Variants in CCDC60 observed in about 807,000 individuals in gnomAD.
The protein encoded by CCDC60 is coiled-coil domain-containing protein 60.
A neutral mutation model predicts 63.5 loss-of-function variants in CCDC60; 54 were observed. That is an observed-to-expected ratio of 0.85 (90% confidence interval 0.68 to 1.07). CCDC60 has a LOEUF of 1.07. Ranked by LOEUF, CCDC60 falls within the 50% of genes least tolerant of loss-of-function variation. The probability of loss-of-function intolerance (pLI) is 0.00; values close to 1 mark genes in which losing one functional copy is unlikely to be tolerated. For missense variants in CCDC60, 651 were observed against 684.3 expected, an observed-to-expected ratio of 0.95 and a Z score of 0.54; for synonymous variants, 206 against 238.8, an observed-to-expected ratio of 0.86 and a Z score of 1.27.
At chr12:119,368,913 C>A (rs1041211125) in intron 1 of CCDC60, among the ~76,000 whole-genome samples, 70 of 152,258 alleles carry the variant, frequency 4.6e-4, no homozygotes, top group African/African-American at 1.5e-3. Context: ...TTTCGTAGTT[C>A]TTTTTCCCCT....
chr12:119,524,716 CTTTTCTTTTT>C (rs1461203538), intron 11 of CCDC60, among the ~76,000 whole-genome samples: 4 of 90,594 alleles, frequency 4.4e-5, no homozygotes, highest in African/African-American at 2.1e-4. Flanking sequence ...CTTTTCTTTT[CTTTTCTTTTT>C]TTTTTTTTTT....
chr12:119,457,751 G>T (rs187889933), intron 2 of CCDC60, among the ~76,000 whole-genome samples: 14 of 152,244 alleles, frequency 9.2e-5, no homozygotes, highest in Admixed American at 7.9e-4. Context: ...CCTTTTGTCT[G>T]AAAGGCAGTT....
At chr12:119,516,529 A>AGGTGAC in intron 7 of CCDC60, 94 bp from the exon 8 acceptor site, 1 of 764,776 alleles carries the variant, frequency 1.3e-6, no homozygotes, top group Non-Finnish European at 2.2e-6. Context: ...TCAGGAGCAG[A>AGGTGAC]GGTGACCCCA....
At chr12:119,412,695 G>A (rs1449428927) in intron 1 of CCDC60, among the ~76,000 whole-genome samples, 3 of 151,932 alleles carry the variant, frequency 2.0e-5, no homozygotes, top group Non-Finnish European at 4.4e-5. Flanking sequence ...AGAAAATAGA[G>A]ATAATCATGC....
chr12:119,433,415 T>C, intron 2 of CCDC60: 1 of 702,046 alleles, frequency 1.4e-6, no homozygotes, highest in South Asian at 1.5e-5. Context: ...CAAAGGAGAA[T>C]GGGGAAAAGG....
chr12:119,495,747 T>C (rs1288040740), intron 5 of CCDC60, among the ~76,000 whole-genome samples: 1 of 152,156 alleles, frequency 6.6e-6, no homozygotes, highest in Non-Finnish European at 1.5e-5. Context: ...TTCCAGGCAC[T>C]AGTGGGAATA....
At chr12:119,346,584 G>A (rs1235171558) in intron 1 of CCDC60, among the ~76,000 whole-genome samples, 1 of 152,146 alleles carries the variant, frequency 6.6e-6, no homozygotes, top group Non-Finnish European at 1.5e-5. Context: ...TGGAAGAAAG[G>A]GGAAAGTGCC....
chr12:119,515,133 C>G (rs1406467060), intron 7 of CCDC60, among the ~76,000 whole-genome samples: 1 of 152,136 alleles, frequency 6.6e-6, no homozygotes. Context: ...TGATGCATTT[C>G]TCAAGATGGG....
rs538650804 is a variant in CCDC60 at position 119,504,958 on chromosome 12, C to G, written c.649-111C>G. ...GAAGGAATTCACAGTCAGACCCAGG[C>G]TTTGCTTTTGTCTGCTGTCCCTCCC... On this transcript the variant is annotated intron_variant, in intron 6 of 13. Transcript: ENST00000327554. The G allele has an allele frequency of 4.2e-6, 3 of 719,532 alleles. No homozygotes were observed. In the East Asian group the frequency reaches 8.1e-5, roughly 19 times the overall value. The allele number at this position is 719,532 out of a possible 1,614,324, so 44.6% of individuals were successfully genotyped here.
intron 1 of CCDC60, among the ~76,000 whole-genome samples, chr12:119,361,122 C>T (rs1244189444): frequency 7.3e-6 from 1 of 137,258 alleles, no homozygotes; most frequent in Non-Finnish European, 1.5e-5. Flanking sequence ...AGAGGGAGAC[C>T]GTGGAAAGAG....
At chr12:119,392,460 A>T (rs936860552) in intron 1 of CCDC60, among the ~76,000 whole-genome samples, 1 of 152,112 alleles carries the variant, frequency 6.6e-6, no homozygotes. Flanking sequence ...TGGTTTTCTC[A>T]TCTGTAAAAT....
intron 1 of CCDC60, among the ~76,000 whole-genome samples, chr12:119,358,558 C>A (rs950244261): frequency 2.6e-5 from 4 of 152,142 alleles, no homozygotes; most frequent in Admixed American, 6.5e-5. Flanking sequence ...CTAAGACAAC[C>A]AGAACCCAAA....
intron 5 of CCDC60, among the ~76,000 whole-genome samples, chr12:119,495,187 G>A (rs369549542): frequency 6.6e-6 from 1 of 152,126 alleles, no homozygotes; most frequent in Admixed American, 6.5e-5. Context: ...TCGAACCCAG[G>A]TAACCTTGCT....
At chr12:119,478,043 A>G (rs548109078) in intron 3 of CCDC60, among the ~76,000 whole-genome samples, 1 of 152,126 alleles carries the variant, frequency 6.6e-6, no homozygotes, top group South Asian at 2.1e-4. Flanking sequence ...GCCAGGTGCA[A>G]TGTCTCACGC....
chr12:119,487,866 C>G (rs560785), intron 4 of CCDC60, among the ~76,000 whole-genome samples: 80,262 of 151,896 alleles, frequency 0.53, 22,153 homozygotes, highest in East Asian at 0.85. Context: ...TTGTTTAAGA[C>G]AGTCTCACTC....
At chr12:119,534,079 TC>T (rs1231205377) in intron 13 of CCDC60, among the ~76,000 whole-genome samples, 1 of 152,198 alleles carries the variant, frequency 6.6e-6, no homozygotes, top group African/African-American at 2.4e-5. Flanking sequence ...TTTGTTTGTG[TC>T]CTCTTTTATT....
chr12:119,491,125 C>A (rs569790791), intron 5 of CCDC60, among the ~76,000 whole-genome samples: 100 of 152,200 alleles, frequency 6.6e-4, no homozygotes, highest in African/African-American at 2.3e-3. Context: ...CATGATTTTC[C>A]CCTTTACAAT....
chr12:119,440,159 C>T (rs994982840), intron 2 of CCDC60, among the ~76,000 whole-genome samples: 14 of 152,146 alleles, frequency 9.2e-5, no homozygotes, highest in African/African-American at 3.4e-4. Context: ...AGCAAACCAC[C>T]ATGGCACATG....
At chr12:119,468,149 G>A (rs752491002) in intron 2 of CCDC60, among the ~76,000 whole-genome samples, 29 of 151,962 alleles carry the variant, frequency 1.9e-4, no homozygotes, top group East Asian at 1.2e-3. Context: ...TAAATTAGCC[G>A]GGCATGGTGG....
Sources: allele counts gnomAD v4.1 joint callset (sites outside exome capture counted in the v4.1 genomes callset), GRCh38; gene constraint gnomAD v4.1.1; transcripts MANE v1.5; gene names NCBI Gene and HGNC (gene_info 2026-07-23, HGNC 2026-07-21).